Variants in CPNE4 observed in about 807,000 individuals in gnomAD.
The protein encoded by CPNE4 is copine 4, also known as copine-4.
In CPNE4, 25 loss-of-function variants were observed where a neutral mutation model predicts 67.9. That is an observed-to-expected ratio of 0.37 (90% CI 0.27 to 0.51). The LOEUF (loss-of-function observed/expected upper bound fraction) is 0.51. CPNE4 is among the 20% of genes least tolerant of loss of function. The probability of loss-of-function intolerance (pLI) is 0.93; values close to 1 mark genes in which losing one functional copy is unlikely to be tolerated. For synonymous variants in CPNE4, 242 were observed against 244.9 expected (o/e 0.99, Z 0.11); for missense variants, 464 against 690.8 (o/e 0.67, Z 3.68).
chr3:131,952,092 G>A (rs1189872780), intron 1 of CPNE4, among the ~76,000 whole-genome samples: 5 of 148,664 alleles, frequency 3.4e-5, no homozygotes, highest in African/African-American at 1.2e-4. Context: ...GTCTCTGCCC[G>A]GCCGCCATCC....
At chr3:131,904,092 C>T (rs1036907123) in intron 2 of CPNE4, among the ~76,000 whole-genome samples, 2 of 152,150 alleles carry the variant, frequency 1.3e-5, no homozygotes. Context: ...ATTCCATTCA[C>T]ACCACTGCCA....
intron 2 of CPNE4, among the ~76,000 whole-genome samples, chr3:131,763,722 A>T (rs1035245215): frequency 6.6e-6 from 1 of 151,914 alleles, no homozygotes; most frequent in Non-Finnish European, 1.5e-5. Context: ...TGTAGGGGAT[A>T]TATTTTTTGG....
At chr3:131,852,408 G>A (rs2086275353) in intron 2 of CPNE4, among the ~76,000 whole-genome samples, 1 of 151,948 alleles carries the variant, frequency 6.6e-6, no homozygotes. Flanking sequence ...TAAAGAATAA[G>A]GGAGAAAAGC....
At chr3:131,863,260 A>T (rs992301306) in intron 2 of CPNE4, among the ~76,000 whole-genome samples, 22 of 152,144 alleles carry the variant, frequency 1.4e-4, no homozygotes, top group East Asian at 7.7e-4. Flanking sequence ...TATTTCTAGT[A>T]CTAGATCCCT....
At chr3:131,712,693 A>G (rs1390639132) in intron 3 of CPNE4, among the ~76,000 whole-genome samples, 1 of 152,212 alleles carries the variant, frequency 6.6e-6, no homozygotes, top group Non-Finnish European at 1.5e-5. Context: ...CCATACTATG[A>G]ATTCAGTTTA....
At chr3:131,874,514 G>C (rs1343064082) in intron 2 of CPNE4, among the ~76,000 whole-genome samples, 1 of 152,186 alleles carries the variant, frequency 6.6e-6, no homozygotes, top group Non-Finnish European at 1.5e-5. Context: ...TTGGTTGTAT[G>C]ACCCTGGTAA....
chr3:131,949,725 A>C (rs539733876), intron 1 of CPNE4, among the ~76,000 whole-genome samples: 14 of 152,244 alleles, frequency 9.2e-5, no homozygotes, highest in African/African-American at 2.9e-4. Context: ...ATCCTATTAA[A>C]ATTTCAAAGC....
intron 7 of CPNE4, among the ~76,000 whole-genome samples, chr3:131,597,743 C>T (rs571336634): frequency 6.6e-6 from 1 of 152,208 alleles, no homozygotes; most frequent in African/African-American, 2.4e-5. Flanking sequence ...GCTCCTTAGT[C>T]ATACCATGTT....
chr3:131,810,788 A>G (rs1241751307), intron 2 of CPNE4, among the ~76,000 whole-genome samples: 1 of 152,100 alleles, frequency 6.6e-6, no homozygotes, highest in African/African-American at 2.4e-5. Flanking sequence ...CAACCTAAAC[A>G]TTCATGGATA....
chr3:131,964,058 T>A (rs879337645), intron 1 of CPNE4, among the ~76,000 whole-genome samples: 1 of 152,110 alleles, frequency 6.6e-6, no homozygotes, highest in Non-Finnish European at 1.5e-5. Context: ...CTCTGCAGCC[T>A]CCACTGGTGA....
intron 7 of CPNE4, among the ~76,000 whole-genome samples, chr3:131,607,437 T>C (rs1315786857): frequency 2.6e-5 from 4 of 152,168 alleles, no homozygotes; most frequent in African/African-American, 7.2e-5. Context: ...CATTCACTGA[T>C]GGAAATGGCC....
intron 5 of CPNE4, among the ~76,000 whole-genome samples, chr3:131,687,020 A>G (rs2080908758): frequency 1.3e-5 from 2 of 152,188 alleles, no homozygotes; most frequent in Non-Finnish European, 1.5e-5. Context: ...TATTTTACGA[A>G]TCAGCCTTGA....
chr3:131,809,595 A>G (rs1393202844), intron 2 of CPNE4, among the ~76,000 whole-genome samples: 3 of 152,174 alleles, frequency 2.0e-5, no homozygotes, highest in Admixed American at 1.3e-4. Flanking sequence ...TGTGGTAATA[A>G]ATATTAGATA....
At chr3:131,824,198 C>T (rs1200652585) in intron 2 of CPNE4, among the ~76,000 whole-genome samples, 1 of 151,434 alleles carries the variant, frequency 6.6e-6, no homozygotes, top group East Asian at 1.9e-4. Flanking sequence ...GTGTGAGAAG[C>T]CCCATCTAAC....
In CPNE4 at chr3:131,819,682, C is replaced by T. The variant is rs1489887656; in HGVS notation, c.180+85582G>A. On this transcript the variant is annotated intron_variant, in intron 2 of 15. Transcript: ENST00000429747. ...TGCCAACAGAGAGAAAACAAAATTT[C>T]GGAGCCTATTTTTAAATAATTACAT... 1.1e-4 allele frequency among the ~76,000 whole-genome samples: 16 copies of T among 152,242 alleles called. No homozygotes were observed. The East Asian group carries it at 2.3e-3, about 22-fold the overall frequency.
intron 8 of CPNE4, among the ~76,000 whole-genome samples, chr3:131,584,447 T>C (rs111655241): frequency 6.6e-6 from 1 of 152,284 alleles, no homozygotes; most frequent in Middle Eastern, 3.4e-3. Flanking sequence ...TTACTCCCTA[T>C]ATCCAAGCCT....
intron 3 of CPNE4, among the ~76,000 whole-genome samples, chr3:131,707,446 G>C (rs1350074813): frequency 1.3e-5 from 2 of 152,166 alleles, no homozygotes; most frequent in Non-Finnish European, 1.5e-5. Context: ...TACTTAATTA[G>C]ATCTGCAAAG....
upstream of CPNE4, among the ~76,000 whole-genome samples, chr3:132,036,473 G>A (rs1276495767): frequency 6.6e-6 from 1 of 152,202 alleles, no homozygotes; most frequent in African/African-American, 2.4e-5. Context: ...CCTCCTACCA[G>A]GAAAGGGGAG....
At chr3:131,794,592 T>C (rs146173739) in intron 2 of CPNE4, among the ~76,000 whole-genome samples, 184 of 152,340 alleles carry the variant, frequency 1.2e-3, no homozygotes, top group African/African-American at 4.4e-3. Context: ...AAGCCCTTAG[T>C]GGTAGAATGA....
Sources: gnomAD v4.1 joint callset for allele counts (sites outside exome capture counted in the v4.1 genomes callset) on GRCh38, gnomAD v4.1.1 for gene constraint, MANE v1.5 for transcripts, NCBI Gene and HGNC (gene_info 2026-07-23, HGNC 2026-07-21) for gene names.